The following FSTL5 variants were observed in gnomAD, a reference collection of about 807,000 sequenced individuals.
FSTL5 encodes follistatin-related protein 5.
A neutral mutation model predicts 89.1 loss-of-function variants in FSTL5; 62 were observed. The ratio of observed to expected loss-of-function variants is 0.70; its 90% CI spans 0.57 to 0.86. The LOEUF is 0.86. Among genes scored for constraint, FSTL5 ranks in the 40% least tolerant of loss-of-function variants. The pLI, the probability that FSTL5 is intolerant of heterozygous loss-of-function variation, is 0.00. For missense variants in FSTL5, 1,057 were observed against 1,001.6 expected, an observed-to-expected ratio of 1.06 and a Z score of -0.75; for synonymous variants, 383 against 346.2, an observed-to-expected ratio of 1.11 and a Z score of -1.18.
intron 6 of FSTL5, among the ~76,000 whole-genome samples, chr4:161,725,352 G>A (rs1048359871): frequency 6.6e-6 from 1 of 151,878 alleles, no homozygotes; most frequent in African/African-American, 2.4e-5. Context: ...TGTGCATATC[G>A]TTTTTAAAAA....
At chr4:161,824,783 A>G (rs1730613565) in intron 4 of FSTL5, among the ~76,000 whole-genome samples, 1 of 152,114 alleles carries the variant, frequency 6.6e-6, no homozygotes, top group Admixed American at 6.6e-5. Context: ...GTGCATATTA[A>G]TTTTGTATCA....
intron 3 of FSTL5, among the ~76,000 whole-genome samples, chr4:161,991,626 G>T (rs1195026276): frequency 4.6e-5 from 7 of 152,046 alleles, no homozygotes; most frequent in African/African-American, 1.7e-4. Context: ...TGTATTGGTG[G>T]GATGCAAAGC....
intron 7 of FSTL5, among the ~76,000 whole-genome samples, chr4:161,644,341 A>G (rs1736069191): frequency 6.6e-6 from 1 of 152,112 alleles, no homozygotes; most frequent in South Asian, 2.1e-4. Flanking sequence ...AGCCTGGCCA[A>G]TGTGGTGAAA....
At chr4:161,478,880 A>G (rs1729399385) in intron 13 of FSTL5, among the ~76,000 whole-genome samples, 1 of 152,110 alleles carries the variant, frequency 6.6e-6, no homozygotes. Context: ...TTACCCTAGC[A>G]ACAGCTACAA....
At chr4:161,642,862 C>A (rs757436311) in intron 7 of FSTL5, among the ~76,000 whole-genome samples, 5 of 151,998 alleles carry the variant, frequency 3.3e-5, no homozygotes, top group Non-Finnish European at 7.4e-5. Context: ...GAAAGAATTA[C>A]GGAGATGAAT....
chr4:161,792,279 G>A (rs1026722353), intron 4 of FSTL5, among the ~76,000 whole-genome samples: 1 of 152,248 alleles, frequency 6.6e-6, no homozygotes, highest in East Asian at 1.9e-4. Flanking sequence ...CAACAAGCAG[G>A]GGAAGAGGCT....
intron 4 of FSTL5, among the ~76,000 whole-genome samples, chr4:161,896,741 C>A (rs1733170037): frequency 6.6e-6 from 1 of 152,064 alleles, no homozygotes; most frequent in African/African-American, 2.4e-5. Context: ...TTTACAAATT[C>A]AAAAGATGGT....
At chr4:162,156,030 G>C (rs1032376318) in intron 1 of FSTL5, among the ~76,000 whole-genome samples, 19 of 152,118 alleles carry the variant, frequency 1.2e-4, no homozygotes, top group African/African-American at 4.3e-4. Flanking sequence ...AGGACATAAA[G>C]AGTAGGATCT....
At chr4:161,581,276 C>T (rs542216948) in intron 8 of FSTL5, among the ~76,000 whole-genome samples, 36 of 152,266 alleles carry the variant, frequency 2.4e-4, no homozygotes, top group African/African-American at 7.5e-4. Flanking sequence ...TAAAACATGT[C>T]GCTGTTGCTC....
At chr4:161,913,381 T>A (rs1264471671) in intron 4 of FSTL5, among the ~76,000 whole-genome samples, 1 of 152,062 alleles carries the variant, frequency 6.6e-6, no homozygotes. Context: ...GTGCCCTGCG[T>A]CCCAGTCACT....
At chr4:161,845,669 G>C (rs1189956277) in intron 4 of FSTL5, among the ~76,000 whole-genome samples, 1 of 152,150 alleles carries the variant, frequency 6.6e-6, no homozygotes, top group Non-Finnish European at 1.5e-5. Context: ...TTTGATATTA[G>C]TTTATAATGT....
rs190456301 is a variant in FSTL5, at chr4:161,416,722, G to A, written c.1842-30273C>T. Among the ~76,000 whole-genome samples, 528 of 151,878 alleles carry A rather than the reference G, an allele frequency of 3.5e-3. 13 individuals are homozygous for A. The East Asian group carries it at 0.055, about 16-fold the overall frequency. ...TAGCCGGGTGTGGTGGCGGGCGCCT[G>A]TAGTCCCAGCTACTCGGGAGGCTGA... On this transcript the variant is annotated intron_variant, in intron 15 of 15. Coordinates refer to ENST00000306100, the MANE Select transcript of FSTL5 (RefSeq NM_020116.5).
At position 161,460,348 on chromosome 4, in the gene FSTL5, C is replaced by CTAAGT. The variant is rs371379603; in HGVS notation, c.1609-1030_1609-1029insACTTA. Among the ~76,000 whole-genome samples, 220 of 138,548 alleles carry CTAAGT rather than the reference C, an allele frequency of 1.6e-3. 2 individuals carry two copies. Among genetic ancestry groups the CTAAGT allele is most frequent in the Middle Eastern group, 4.0e-3 (1 of 252 alleles). The allele number at this position is 138,548 out of a possible 152,430, so 90.9% of individuals were successfully genotyped here. On this transcript the variant is annotated intron_variant, in intron 13 of 15. Transcript: ENST00000306100. ...TGGTGTGCTGCACCCGTTAACTTGT[C>CTAAGT]ATTTACATTAGGTGTATCTCCTAAT...
At chr4:161,636,747 A>G (rs1187155226) in intron 7 of FSTL5, among the ~76,000 whole-genome samples, 1 of 147,630 alleles carries the variant, frequency 6.8e-6, no homozygotes, top group Non-Finnish European at 1.5e-5. Context: ...TTTACTGAGA[A>G]TGATGATTTC....
At chr4:161,540,316 T>C (rs573793948) in intron 9 of FSTL5, among the ~76,000 whole-genome samples, 2 of 152,302 alleles carry the variant, frequency 1.3e-5, no homozygotes, top group Admixed American at 1.3e-4. Flanking sequence ...TCATTTCACT[T>C]GACCTTTCCA....
intron 4 of FSTL5, among the ~76,000 whole-genome samples, chr4:161,808,543 A>C (rs887975034): frequency 2.0e-5 from 3 of 152,182 alleles, no homozygotes; most frequent in African/African-American, 7.2e-5. Flanking sequence ...AAAACTGTGA[A>C]ACTCTTAGAA....
chr4:161,644,682 C>A (rs183837902), intron 7 of FSTL5, among the ~76,000 whole-genome samples: 1 of 152,004 alleles, frequency 6.6e-6, no homozygotes, highest in Admixed American at 6.6e-5. Flanking sequence ...TTATTTTTTT[C>A]TCAGAAAGCT....
chr4:161,628,253 T>C (rs1321565176), intron 7 of FSTL5, among the ~76,000 whole-genome samples: 2 of 152,310 alleles, frequency 1.3e-5, no homozygotes, highest in East Asian at 3.9e-4. Context: ...CTAACATTTT[T>C]ATACAGACTT....
At position 161,782,802 on chromosome 4, in the gene FSTL5, G is replaced by A. The variant is rs376498984; in HGVS notation, c.410-6728C>T. ...TGTCTCCAAATCTATCTAAGCAGTA[G>A]TAAAAACATAGTTTGATATTCTAGT... On this transcript the variant is annotated intron_variant, in intron 4 of 15. Transcript: ENST00000306100. Among the ~76,000 whole-genome samples the A allele has an allele frequency of 2.0e-5, 3 of 152,266 alleles. No individual in the cohort carries two copies. The East Asian group carries it at 5.8e-4, about 29-fold the overall frequency.
Sources: allele counts gnomAD v4.1 joint callset (sites outside exome capture counted in the v4.1 genomes callset), GRCh38; gene constraint gnomAD v4.1.1; transcripts MANE v1.5; gene names NCBI Gene and HGNC (gene_info 2026-07-23, HGNC 2026-07-21).